CYRIB: variants seen among roughly 807,000 people sequenced by gnomAD.
CYRIB encodes the protein CYFIP related Rac1 interactor B, also known as CYFIP-related Rac1 interactor B.
CYRIB carries 8 observed loss-of-function variants against 44.2 expected under a neutral mutation model. The ratio of observed to expected loss-of-function variants is 0.18; its 90% confidence interval spans 0.11 to 0.33. The LOEUF (loss-of-function observed/expected upper bound fraction) is 0.33. Ranked by LOEUF, CYRIB falls within the 10% of genes least tolerant of loss-of-function variation. The pLI is 1.00. For synonymous variants in CYRIB, 131 were observed against 127.2 expected, an observed-to-expected ratio of 1.03 and a Z score of -0.20; for missense variants, 185 against 382.8, an observed-to-expected ratio of 0.48 and a Z score of 4.31.
chr8:129,903,520 T>C (rs2073477444), intron 1 of CYRIB, among the ~76,000 whole-genome samples, 170 bp from the exon 4 acceptor site: 1 of 152,200 alleles, frequency 6.6e-6, no homozygotes, highest in Admixed American at 6.5e-5. Flanking sequence ...CCACCATTTA[T>C]GGAGGACCTA....
chr8:129,998,658 T>G (rs1374163852), intron 1 of CYRIB, among the ~76,000 whole-genome samples: 1 of 151,770 alleles, frequency 6.6e-6, no homozygotes, highest in Admixed American at 6.6e-5. Context: ...TTTAGATGAA[T>G]TCTTGCTCTG....
chr8:129,976,906 A>G (rs141579110), intron 1 of CYRIB, among the ~76,000 whole-genome samples: 2,216 of 152,132 alleles, frequency 0.015, 59 homozygotes, highest in African/African-American at 0.051. Flanking sequence ...CAATGGCGCA[A>G]TCTCTGCTTA....
intron 1 of CYRIB, among the ~76,000 whole-genome samples, chr8:129,919,222 T>C (rs868762338): frequency 9.2e-5 from 14 of 152,314 alleles, no homozygotes; most frequent in African/African-American, 2.4e-4. Flanking sequence ...CCAATAGGCA[T>C]AGATAACCAC....
intron 2 of CYRIB, 78 bp downstream of exon 4, chr8:129,903,234 T>C (rs1332078882): frequency 6.6e-6 from 1 of 152,608 alleles, no homozygotes; most frequent in Admixed American, 6.5e-5. Flanking sequence ...AAATTATATA[T>C]AGTTAATATA....
At chr8:129,916,116 A>G (rs1333300033) in intron 1 of CYRIB, among the ~76,000 whole-genome samples, 1 of 152,196 alleles carries the variant, frequency 6.6e-6, no homozygotes, top group African/African-American at 2.4e-5. Flanking sequence ...CAGAGTCAGT[A>G]ATAAAATGCA....
chr8:129,985,007 G>A (rs1235937323), intron 1 of CYRIB, among the ~76,000 whole-genome samples: 1 of 152,112 alleles, frequency 6.6e-6, no homozygotes, highest in Admixed American at 6.6e-5. Context: ...CTGACCTCAG[G>A]TGATCGCCTG....
At chr8:129,874,515 T>TGC (rs2058472378) in intron 3 of CYRIB, among the ~76,000 whole-genome samples, 1 of 152,082 alleles carries the variant, frequency 6.6e-6, no homozygotes, top group Non-Finnish European at 1.5e-5. Flanking sequence ...TTAATTCACT[T>TGC]AATAAACCTA....
At chr8:129,990,546 G>A (rs2096606106) in intron 1 of CYRIB, among the ~76,000 whole-genome samples, 1 of 151,646 alleles carries the variant, frequency 6.6e-6, no homozygotes, top group South Asian at 2.1e-4. Context: ...TCTTCCCCAA[G>A]ACAGGGTTTC....
chr8:129,935,501 C>T (rs935654089), intron 1 of CYRIB, among the ~76,000 whole-genome samples: 3 of 152,162 alleles, frequency 2.0e-5, no homozygotes, highest in Non-Finnish European at 2.9e-5. Flanking sequence ...ATGCTATCTC[C>T]GCTGATCTAA....
At chr8:129,997,606 C>T (rs1442802117) in intron 1 of CYRIB, among the ~76,000 whole-genome samples, 1 of 152,180 alleles carries the variant, frequency 6.6e-6, no homozygotes, top group South Asian at 2.1e-4. Flanking sequence ...ACCATAACTT[C>T]CTGCAGAATT....
chr8:129,897,590 A>G (rs1263648066), intron 2 of CYRIB, among the ~76,000 whole-genome samples: 2 of 149,616 alleles, frequency 1.3e-5, no homozygotes, highest in Non-Finnish European at 3.0e-5. Context: ...TCTCCTATCT[A>G]GTAATGCCAG....
At chr8:129,955,658 G>A (rs1409991492) in intron 2 of CYRIB, among the ~76,000 whole-genome samples, 1 of 152,198 alleles carries the variant, frequency 6.6e-6, no homozygotes, top group Non-Finnish European at 1.5e-5. Flanking sequence ...GCATAGCACT[G>A]TGTATTCCAT....
chr8:129,977,435 C>T (rs983407469), intron 1 of CYRIB, among the ~76,000 whole-genome samples: 3 of 152,062 alleles, frequency 2.0e-5, no homozygotes, highest in South Asian at 2.1e-4. Context: ...ATGATGTGCA[C>T]GTCTCTGTAT....
intron 1 of CYRIB, among the ~76,000 whole-genome samples, chr8:129,913,437 CA>C (rs1437792888): frequency 1.3e-5 from 2 of 152,174 alleles, no homozygotes; most frequent in African/African-American, 4.8e-5. Flanking sequence ...CATACACGTG[CA>C]TTCATTAGCT....
At chr8:129,894,725 C>A (rs1316102449) in intron 2 of CYRIB, among the ~76,000 whole-genome samples, 1 of 152,086 alleles carries the variant, frequency 6.6e-6, no homozygotes, top group Non-Finnish European at 1.5e-5. Context: ...CTGGTAAAAG[C>A]AGCATCATAA....
At chr8:129,952,006 A>C (rs1325016291) in intron 2 of CYRIB, among the ~76,000 whole-genome samples, 2 of 152,096 alleles carry the variant, frequency 1.3e-5, no homozygotes, top group Non-Finnish European at 2.9e-5. Context: ...AACAAAGTAC[A>C]AAACTACATA....
intron 1 of CYRIB, among the ~76,000 whole-genome samples, chr8:129,977,829 T>C (rs9297802): frequency 6.6e-6 from 1 of 152,054 alleles, no homozygotes; most frequent in South Asian, 2.1e-4. Flanking sequence ...ACTGCTCCCG[T>C]CCTGTCCTCA....
chr8:129,968,504 T>A (rs1338246778), intron 2 of CYRIB, among the ~76,000 whole-genome samples: 1 of 152,222 alleles, frequency 6.6e-6, no homozygotes, highest in Non-Finnish European at 1.5e-5. Context: ...ATTTCCAACT[T>A]GGAATGGTTT....
At chr8:129,843,452 G>C (rs1480705716) in intron 11 of CYRIB, among the ~76,000 whole-genome samples, 5 of 152,194 alleles carry the variant, frequency 3.3e-5, no homozygotes, top group Admixed American at 3.3e-4. Context: ...TCAAGGCTTG[G>C]GCCAGATTAC....
Sources: gnomAD v4.1 joint callset for allele counts (sites outside exome capture counted in the v4.1 genomes callset) on GRCh38, gnomAD v4.1.1 for gene constraint, MANE v1.5 for transcripts, NCBI Gene and HGNC (gene_info 2026-07-23, HGNC 2026-07-21) for gene names.